The following CEP85L variants were observed in gnomAD, a reference collection of about 807,000 sequenced individuals.
CEP85L encodes centrosomal protein of 85 kDa-like.
CEP85L carries 60 observed loss-of-function variants against 100.3 expected under a neutral mutation model. The ratio of observed to expected loss-of-function variants is 0.60; its 90% CI spans 0.49 to 0.74. The LOEUF (loss-of-function observed/expected upper bound fraction) is 0.74. Among genes scored for constraint, CEP85L ranks in the 30% least tolerant of loss-of-function variants. The pLI is 0.00. For synonymous variants in CEP85L, 319 were observed against 322.7 expected, an observed-to-expected ratio of 0.99 and a Z score of 0.12; for missense variants, 973 against 936.2, an observed-to-expected ratio of 1.04 and a Z score of -0.51.
At chr6:118,631,525 T>G (rs2115318664) in intron 2 of CEP85L, among the ~76,000 whole-genome samples, 1 of 152,334 alleles carries the variant, frequency 6.6e-6, no homozygotes, top group East Asian at 1.9e-4. Context: ...ACCCACATGT[T>G]TATAGCAACT....
intron 2 of CEP85L, among the ~76,000 whole-genome samples, chr6:118,619,465 A>G (rs1658020476): frequency 6.6e-6 from 1 of 152,116 alleles, no homozygotes; most frequent in Non-Finnish European, 1.5e-5. Flanking sequence ...GATTTGCCCA[A>G]ATGACAAAAA....
rs547699782 is a variant in CEP85L at position 118,555,907 on chromosome 6, T to A, written c.1020+9622A>T. ...GTAAGTGAGAACCTGTGGTATTTGGTTTTCTTTTCCTATGTTAGTTTGCTA... is the reference window on the plus strand; with the variant it reads ...GTAAGTGAGAACCTGTGGTATTTGGATTTCTTTTCCTATGTTAGTTTGCTA... On this transcript the variant is annotated intron_variant, in intron 3 of 12. Coordinates refer to ENST00000368491, the MANE Select transcript of CEP85L (RefSeq NM_001042475.3). Among the ~76,000 whole-genome samples the A allele has an allele frequency of 3.3e-5, 5 of 151,952 alleles. No individual in the cohort carries two copies. In the South Asian group the frequency reaches 6.2e-4, roughly 19 times the overall value.
chr6:118,537,765 T>C, intron 3 of CEP85L: 1 of 985,386 alleles, frequency 1.0e-6, no homozygotes, highest in African/African-American at 1.7e-5. Context: ...CTACCACACT[T>C]GACTGGAATA....
Position 118,465,300 on chromosome 6 carries a change from A to C in CEP85L, c.*105T>G. 9.5e-7 allele frequency: 1 copy of C among 1,050,478 alleles called. No individual in the cohort carries two copies. Among genetic ancestry groups the C allele is most frequent in the Non-Finnish European group, 1.3e-6 (1 of 756,564 alleles). 65.1% of individuals were successfully genotyped at this position (1,050,478 alleles called of 1,614,324 possible). On this transcript the variant is annotated 3_prime_UTR_variant, in exon 13 of 13. Coordinates refer to ENST00000368491, the MANE Select transcript of CEP85L (RefSeq NM_001042475.3). Reference sequence around the variant, plus strand: ...TTCAACAAAACAAATCCACAGAAAAAAAATCCCTAAGTGCAAGTCATGTCA... The same window carrying C: ...TTCAACAAAACAAATCCACAGAAAACAAATCCCTAAGTGCAAGTCATGTCA...
intron 2 of CEP85L, among the ~76,000 whole-genome samples, chr6:118,571,092 G>C (rs1779859657): frequency 2.0e-5 from 3 of 151,956 alleles, no homozygotes; most frequent in African/African-American, 7.2e-5. Flanking sequence ...GGTGGGAAAA[G>C]GGTCATTATT....
intron 2 of CEP85L, among the ~76,000 whole-genome samples, chr6:118,598,503 T>C (rs1002971418): frequency 1.3e-5 from 2 of 152,096 alleles, no homozygotes; most frequent in African/African-American, 4.8e-5. Flanking sequence ...TATCCCTATA[T>C]GGAGAGAGAA....
rs1019691440 is a variant in CEP85L, at chr6:118,501,634, G to A, written c.1257+9664C>T. On this transcript the variant is annotated intron_variant, in intron 5 of 12. Transcript: ENST00000368491. ...ATGCCATGATTTACAACAAACCAGAGACCACTTATTATAAAGCTGCAAAGA... is the reference window on the plus strand; with the variant it reads ...ATGCCATGATTTACAACAAACCAGAAACCACTTATTATAAAGCTGCAAAGA... 2.0e-4 allele frequency: 129 copies of A among 629,508 alleles called. 1 individual carries two copies. The Admixed American group carries it at 2.4e-3, about 12-fold the overall frequency. The allele number at this position is 629,508 out of a possible 1,614,324, so 39.0% of individuals were successfully genotyped here. A position where few individuals can be genotyped will look rare whatever the true frequency, so the allele number is the denominator to read the frequency against.
At chr6:118,558,687 AGGG>A (rs1446222041) in intron 3 of CEP85L, 1 of 503,904 alleles carries the variant, frequency 2.0e-6, no homozygotes, top group African/African-American at 2.0e-5. Context: ...AGAGAGAGAG[AGGG>A]AGAGAGACTA....
intron 1 of CEP85L, among the ~76,000 whole-genome samples, chr6:118,703,495 G>A (rs951339297): frequency 2.6e-5 from 4 of 152,166 alleles, no homozygotes; most frequent in Non-Finnish European, 5.9e-5. Flanking sequence ...ATAGGCCACC[G>A]TGCCCCACCA....
chr6:118,642,685 G>C (rs1006907642), intron 1 of CEP85L, among the ~76,000 whole-genome samples: 2 of 152,100 alleles, frequency 1.3e-5, no homozygotes, highest in African/African-American at 4.8e-5. Context: ...AGGCTGAGCA[G>C]GGTGGATCAC....
chr6:118,683,828 G>A (rs17080482), intron 1 of CEP85L, among the ~76,000 whole-genome samples: 3,009 of 152,240 alleles, frequency 0.02, 121 homozygotes, highest in African/African-American at 0.069. Context: ...GACATTTGTT[G>A]GGTCATGGCA....
intron 2 of CEP85L, among the ~76,000 whole-genome samples, chr6:118,590,928 C>CCGGTCAT (rs1418146470): frequency 6.6e-6 from 1 of 152,116 alleles, no homozygotes; most frequent in Non-Finnish European, 1.5e-5. Context: ...TGGTGTTCCT[C>CCGGTCAT]CGGTCATCGG....
chr6:118,566,168 T>A lies in CEP85L; in HGVS notation c.381A>T (p.Thr127=). ...GGTTTCCCAATGTTTGCATGAGGCT[T>A]GTACTCCATTTTGAGCCATCTGGTG... is the stretch of plus-strand genomic sequence containing the variant. ...SLTPDGSKWS[T]SLMQTLGNHS... is the part of the protein sequence containing the mutation. The change falls in exon 3 of 13, where the codon ACA becomes ACT. Residue 127 remains threonine (T), a synonymous_variant. Transcript: ENST00000368491. 1 of 1,614,192 alleles carries A rather than the reference T, an allele frequency of 6.2e-7. No individual in the cohort carries two copies. Among genetic ancestry groups the A allele is most frequent in the South Asian group, 1.1e-5 (1 of 91,090 alleles).
At chr6:118,583,797 C>T (rs1048399142) in intron 2 of CEP85L, among the ~76,000 whole-genome samples, 3 of 152,178 alleles carry the variant, frequency 2.0e-5, no homozygotes, top group Admixed American at 2.0e-4. Flanking sequence ...AGCACAGAAA[C>T]CCAATGGGGA....
chr6:118,568,902 G>C (rs1779705253), intron 2 of CEP85L, among the ~76,000 whole-genome samples: 1 of 151,702 alleles, frequency 6.6e-6, no homozygotes, highest in Admixed American at 6.6e-5. Context: ...TATTACTAAA[G>C]GAGTAGTTAT....
chr6:118,571,408 A>C (rs1222769248), intron 2 of CEP85L, among the ~76,000 whole-genome samples: 1 of 152,246 alleles, frequency 6.6e-6, no homozygotes, highest in Non-Finnish European at 1.5e-5. Context: ...TTAAGTTTTA[A>C]AGGCCAGAAT....
intron 1 of CEP85L, among the ~76,000 whole-genome samples, chr6:118,643,814 A>G (rs1437681191): frequency 6.6e-6 from 1 of 152,222 alleles, no homozygotes; most frequent in Non-Finnish European, 1.5e-5. Context: ...AGAATCTTCT[A>G]TTCTGAGGGG....
At chr6:118,517,537 CTGTT>C (rs777702096) in intron 4 of CEP85L, among the ~76,000 whole-genome samples, 12 of 152,122 alleles carry the variant, frequency 7.9e-5, no homozygotes, top group African/African-American at 1.7e-4. Flanking sequence ...ATTTGCCTCT[CTGTT>C]TGTCTGTTAT....
At chr6:118,684,560 A>T (rs1203917627) in intron 1 of CEP85L, among the ~76,000 whole-genome samples, 1 of 152,260 alleles carries the variant, frequency 6.6e-6, no homozygotes, top group African/African-American at 2.4e-5. Flanking sequence ...TTGACACTGC[A>T]AAGAAATCTC....
Sources: allele counts gnomAD v4.1 joint callset (sites outside exome capture counted in the v4.1 genomes callset), GRCh38; gene constraint gnomAD v4.1.1; transcripts MANE v1.5; gene names NCBI Gene and HGNC (gene_info 2026-07-23, HGNC 2026-07-21).